APBA2: variants seen among roughly 807,000 people sequenced by gnomAD.
The protein encoded by APBA2 is amyloid beta precursor protein binding family A member 2, also known as amyloid-beta A4 precursor protein-binding family A member 2.
Under a neutral mutation model 75.0 loss-of-function variants are expected in APBA2, and 30 were observed. That is an observed-to-expected ratio of 0.40 (90% CI 0.30 to 0.54). The LOEUF is 0.54. Ranked by LOEUF, APBA2 falls within the 20% of genes least tolerant of loss-of-function variation. APBA2 has a pLI of 0.49. For missense variants in APBA2, 801 were observed against 1,016.1 expected, an observed-to-expected ratio of 0.79 and a Z score of 2.88; for synonymous variants, 444 against 409.6, an observed-to-expected ratio of 1.08 and a Z score of -1.01.
At position 28,918,904 on chromosome 15, in the gene APBA2, G is replaced by C. The variant is rs2033821465; in HGVS notation, c.-204-2736G>C. ...AGACGGAGTCGCGCTCTGTCTCCCAGGCTGGAGTGCAGTGGCGCTATCTTG... is the reference window on the plus strand; with the variant it reads ...AGACGGAGTCGCGCTCTGTCTCCCACGCTGGAGTGCAGTGGCGCTATCTTG... On this transcript the variant is annotated intron_variant, in intron 1 of 14. Transcript: ENST00000683413. The surrounding 1 kb of genome is among the most constrained non-coding windows in gnomAD (Gnocchi z 4.2). Among the ~76,000 whole-genome samples the C allele has an allele frequency of 1.3e-5, 2 of 151,760 alleles. No individual in the cohort carries two copies. The highest frequency in any genetic ancestry group is 1.9e-4 in the East Asian group (1 of 5,142).
At chr15:28,993,562 C>T (rs997291883) in intron 2 of APBA2, among the ~76,000 whole-genome samples, 2 of 152,068 alleles carry the variant, frequency 1.3e-5, no homozygotes, top group African/African-American at 2.4e-5. Flanking sequence ...AATAGACACT[C>T]AAAACCCGTT....
At chr15:28,905,174 A>G (rs1417614831) in intron 1 of APBA2, among the ~76,000 whole-genome samples, 1 of 152,106 alleles carries the variant, frequency 6.6e-6, no homozygotes, top group Non-Finnish European at 1.5e-5. Flanking sequence ...CTAGGAATCC[A>G]AGGAAAAGCT....
In APBA2 at chr15:29,054,077, A is replaced by G; in HGVS notation, c.193A>G (p.Asn65Asp). 1 of 1,614,028 alleles carries G rather than the reference A, an allele frequency of 6.2e-7. No individual in the cohort carries two copies. The highest frequency in any genetic ancestry group is 1.1e-5 in the South Asian group (1 of 91,078). Residue 65 changes from asparagine to aspartate, a missense_variant, in exon 4 of 15, where the codon AAC becomes GAC. Asn to Asp is a conservative substitution (Grantham distance 23). Coordinates refer to ENST00000683413, the MANE Select transcript of APBA2 (RefSeq NM_001353788.2). The surrounding 1 kb of genome is among the most constrained non-coding windows in gnomAD (Gnocchi z 6.1). ...CGCGCCAGAGGAACAGGAGTGCCACAACCACAGCCCCGATGGGGACTCCAG... is the reference window on the plus strand; with the variant it reads ...CGCGCCAGAGGAACAGGAGTGCCACGACCACAGCCCCGATGGGGACTCCAG... ...SPAPEEQECHNHSPDGDSSSD... is the reference protein window; with the variant it reads ...SPAPEEQECHDHSPDGDSSSD...
At chr15:28,929,678 C>G (rs1203352427) in intron 2 of APBA2, among the ~76,000 whole-genome samples, 2 of 152,146 alleles carry the variant, frequency 1.3e-5, no homozygotes, top group Non-Finnish European at 2.9e-5. Context: ...ATACCTGTCC[C>G]CCATTCTCAG....
chr15:29,047,837 A>T (rs1381537752), intron 3 of APBA2, among the ~76,000 whole-genome samples: 2 of 152,064 alleles, frequency 1.3e-5, no homozygotes, highest in East Asian at 3.8e-4. Flanking sequence ...AATCAATATC[A>T]TTTTTTTTCT....
Position 28,984,034 on chromosome 15 carries a change from A to G in APBA2, c.-94-11719A>G, listed in dbSNP as rs538214893. On this transcript the variant is annotated intron_variant, in intron 2 of 14. Transcript: ENST00000683413. ...CTGAAGGTATCCAGAGGCCGTGCAG[A>G]CACTCACACTTTGGTGTGAGGCGTG... Among the ~76,000 whole-genome samples the G allele has an allele frequency of 9.2e-5, 14 of 152,264 alleles. No homozygotes were observed. In the South Asian group the frequency reaches 2.3e-3, roughly 25 times the overall value.
At chr15:29,021,366 A>G (rs995964277) in intron 3 of APBA2, among the ~76,000 whole-genome samples, 1 of 152,100 alleles carries the variant, frequency 6.6e-6, no homozygotes, top group Admixed American at 6.6e-5. Flanking sequence ...CGTCTCTACT[A>G]AAAATACAAA....
intron 2 of APBA2, among the ~76,000 whole-genome samples, chr15:28,928,488 C>T (rs948122717): frequency 4.6e-5 from 7 of 152,052 alleles, no homozygotes; most frequent in African/African-American, 1.4e-4. Context: ...GGAGGGCCAG[C>T]GGTCTATAGT....
chr15:28,916,111 G>A (rs1222043202), intron 1 of APBA2, among the ~76,000 whole-genome samples: 7 of 152,208 alleles, frequency 4.6e-5, no homozygotes, highest in African/African-American at 1.2e-4. Flanking sequence ...ACATTCCCTG[G>A]TCCTGCCCTC....
At chr15:29,079,210 C>T (rs2042981539) in intron 6 of APBA2, among the ~76,000 whole-genome samples, 1 of 151,974 alleles carries the variant, frequency 6.6e-6, no homozygotes, top group South Asian at 2.1e-4. Flanking sequence ...GTTCCACATG[C>T]CCTTCTTGGT....
At chr15:29,104,217 T>C (rs1222307178) in intron 10 of APBA2, among the ~76,000 whole-genome samples, 2 of 152,180 alleles carry the variant, frequency 1.3e-5, no homozygotes, top group Non-Finnish European at 2.9e-5. Flanking sequence ...AGTAGGAGTT[T>C]GCTGGGGGCG....
rs1567012363 is a variant in APBA2, at chr15:29,101,591, C to T, written c.1339-8C>T. 2 of 1,612,246 alleles carry T rather than the reference C, an allele frequency of 1.2e-6. No individual in the cohort carries two copies. The highest frequency in any genetic ancestry group is 8.5e-7 in the Non-Finnish European group (1 of 1,179,400). On this transcript the variant is annotated splice_polypyrimidine_tract_variant and splice_region_variant and intron_variant, in intron 9 of 14. Coordinates refer to ENST00000683413, the MANE Select transcript of APBA2 (RefSeq NM_001353788.2). ...TTCCCTGACGTGGCACTGTCTCCCT[C>T]CCGACAGGAAACCATGATGGACCAC... is the stretch of plus-strand genomic sequence containing the variant.
At chr15:29,110,899 C>G (rs1025911228) in intron 13 of APBA2, among the ~76,000 whole-genome samples, 3 of 152,024 alleles carry the variant, frequency 2.0e-5, no homozygotes, top group African/African-American at 7.2e-5. Context: ...CAGACGGGGA[C>G]CAGGGCTCGC....
intron 2 of APBA2, among the ~76,000 whole-genome samples, chr15:28,954,230 C>G (rs2036045352): frequency 2.0e-5 from 3 of 152,162 alleles, no homozygotes; most frequent in Admixed American, 2.0e-4. Flanking sequence ...CCTGATGGTT[C>G]CTGTTTCCAC....
intron 10 of APBA2, among the ~76,000 whole-genome samples, chr15:29,104,937 A>C (rs777436523): frequency 1.3e-5 from 2 of 152,052 alleles, no homozygotes; most frequent in Non-Finnish European, 2.9e-5. Flanking sequence ...AACTTTTTTT[A>C]ATTAGCTGGA....
At position 28,969,155 on chromosome 15, in the gene APBA2, T is replaced by TCTTGCTTG. The variant is rs1566855515; in HGVS notation, c.-94-26595_-94-26594insGCTTGCTT. ...TTCTTTCTTTCTTTCTTTCTTTCTTTCTTTCTTTCTTTCTTTCTTTCTTTC... is the reference window on the plus strand; with the variant it reads ...TTCTTTCTTTCTTTCTTTCTTTCTTTCTTGCTTGCTTTCTTTCTTTCTTTCTTTCTTTC... On this transcript the variant is annotated intron_variant, in intron 2 of 14. Transcript: ENST00000683413. Among the ~76,000 whole-genome samples, 6 of 77,890 alleles carry TCTTGCTTG rather than the reference T, an allele frequency of 7.7e-5. No homozygotes were observed. In the African/African-American group the frequency reaches 1.8e-3, roughly 23 times the overall value. 51.1% of individuals were successfully genotyped at this position (77,890 alleles called of 152,430 possible).
At chr15:28,973,006 C>T (rs1401562532) in intron 2 of APBA2, among the ~76,000 whole-genome samples, 9 of 152,188 alleles carry the variant, frequency 5.9e-5, no homozygotes, top group African/African-American at 2.2e-4. Context: ...TTCTACATGG[C>T]ATTTAATTTG....
intron 3 of APBA2, among the ~76,000 whole-genome samples, chr15:29,039,098 G>GGTGTGTGTGT (rs57326919): frequency 0.011 from 1,190 of 106,266 alleles, 59 homozygotes; most frequent in Non-Finnish European, 0.016. Context: ...TGTATGTCAG[G>GGTGTGTGTGT]GTGTGTGTGT....
chr15:29,086,756 A>G (rs1340283538), intron 6 of APBA2, among the ~76,000 whole-genome samples: 1 of 152,208 alleles, frequency 6.6e-6, no homozygotes, highest in Non-Finnish European at 1.5e-5. Context: ...TCACAACTGG[A>G]TACACTTTTA....
Sources: allele counts gnomAD v4.1 joint callset (sites outside exome capture counted in the v4.1 genomes callset), GRCh38; gene constraint gnomAD v4.1.1; non-coding constraint Gnocchi (gnomAD v3.1); transcripts MANE v1.5; gene names NCBI Gene and HGNC (gene_info 2026-07-23, HGNC 2026-07-21).